Variants in FAM120C observed in about 807,000 individuals in gnomAD.
FAM120C encodes constitutive coactivator of PPAR-gamma-like protein 2.
In FAM120C, 14 loss-of-function variants were observed where a neutral mutation model predicts 71.2. That is an observed-to-expected ratio of 0.20 (90% CI 0.13 to 0.31). FAM120C has a LOEUF of 0.31. FAM120C is among the 10% of genes least tolerant of loss of function. FAM120C has a pLI of 1.00. For synonymous variants in FAM120C, 354 were observed against 353.2 expected, an observed-to-expected ratio of 1.00 and a Z score of -0.03; for missense variants, 500 against 879.0, an observed-to-expected ratio of 0.57 and a Z score of 5.45.
At chrX:54,108,548 A>G (rs2066918627) in intron 10 of FAM120C, among the ~76,000 whole-genome samples, 1 of 111,740 alleles carries the variant, frequency 8.9e-6, no homozygotes, top group Non-Finnish European at 1.9e-5. Flanking sequence ...CAAACCCTTA[A>G]TAACTGAAAC....
chrX:54,168,019 G>A (rs1490577133), intron 1 of FAM120C, among the ~76,000 whole-genome samples: 2 of 110,336 alleles, frequency 1.8e-5, no homozygotes, highest in African/African-American at 3.3e-5. Flanking sequence ...CTGAGAAGAC[G>A]TGTCTCATTT....
At chrX:54,088,591 C>CAAAAAA (rs1230524883) in intron 11 of FAM120C, among the ~76,000 whole-genome samples, 4 of 32,888 alleles carry the variant, frequency 1.2e-4, no homozygotes, top group African/African-American at 4.9e-4. Context: ...GACTCCATCT[C>CAAAAAA]AAAAAAAAAA....
At chrX:54,129,580 C>T (rs1375355697) in intron 9 of FAM120C, among the ~76,000 whole-genome samples, 3 of 110,894 alleles carry the variant, frequency 2.7e-5, no homozygotes, top group Non-Finnish European at 5.7e-5. Flanking sequence ...AGACGATGGG[C>T]GGCCAGGCAG....
chrX:54,163,939 T>TA lies in FAM120C; in HGVS notation c.700-4324_700-4323insT, dbSNP rs782206966. Among the ~76,000 whole-genome samples the TA allele has an allele frequency of 1.0e-2, 1,026 of 103,080 alleles. 8 individuals carry two copies. Among genetic ancestry groups the TA allele is most frequent in the Non-Finnish European group, 0.013 (630 of 50,246 alleles). 89.5% of individuals were successfully genotyped at this position (103,080 alleles called of 115,157 possible). A position where few individuals can be genotyped will look rare whatever the true frequency, so the allele number is the denominator to read the frequency against. ...GTGTATATATACATATATATATATA[T>TA]TTTTTTTTTTTGAGACAGAGTCTCG... On this transcript the variant is annotated intron_variant, in intron 1 of 15. Coordinates refer to ENST00000375180, the MANE Select transcript of FAM120C (RefSeq NM_017848.6).
chrX:54,091,835 G>A (rs181597147), intron 10 of FAM120C, among the ~76,000 whole-genome samples: 2 of 111,721 alleles, frequency 1.8e-5, no homozygotes, highest in East Asian at 5.6e-4. Flanking sequence ...GTGAAGGCCT[G>A]ATGGTGTGGT....
chrX:54,132,649 T>G (rs2146608980), intron 9 of FAM120C, 43 bp downstream of exon 9: 1 of 1,096,818 alleles, frequency 9.1e-7, no homozygotes, highest in African/African-American at 1.8e-5. Flanking sequence ...ATATCTGCTG[T>G]GTCAAGTGCT....
At chrX:54,095,544 G>A (rs1557123144) in intron 10 of FAM120C, among the ~76,000 whole-genome samples, 1 of 110,464 alleles carries the variant, frequency 9.1e-6, no homozygotes, top group Non-Finnish European at 1.9e-5. Flanking sequence ...TCAGAGTTTC[G>A]TCATGTTGCC....
At chrX:54,174,205 A>G in intron 1 of FAM120C, 1 of 510,101 alleles carries the variant, frequency 2.0e-6, no homozygotes, top group Non-Finnish European at 3.5e-6. Context: ...AGTGCAAACA[A>G]GATGGAAGTC....
chrX:54,116,878 C>T, intron 9 of FAM120C, 84 bp from the exon 10 acceptor site: 1 of 1,035,518 alleles, frequency 9.7e-7, no homozygotes, highest in East Asian at 3.1e-5. Context: ...TGACAGGCTC[C>T]ATTGCATTTC....
At position 54,099,335 on chromosome X, in the gene FAM120C, G is replaced by A. The variant is rs113211716; in HGVS notation, c.2313-7909C>T. 3.3e-3 allele frequency among the ~76,000 whole-genome samples: 367 copies of A among 111,179 alleles called. 4 individuals are homozygous for A. The highest frequency in any genetic ancestry group is 0.011 in the African/African-American group (352 of 30,654). On this transcript the variant is annotated intron_variant, in intron 10 of 15. Transcript: ENST00000375180. ...TGGGATTACACACATGAGCTAGTGT[G>A]GCCAGCCAATTGTTTGAGTTGTAAG...
Position 54,107,615 on chromosome X carries a change from G to A in FAM120C, c.2312+8930C>T, listed in dbSNP as rs146327153. 4.6e-3 allele frequency among the ~76,000 whole-genome samples: 491 copies of A among 105,739 alleles called. 2 individuals are homozygous for A. The highest frequency in any genetic ancestry group is 0.016 in the African/African-American group (462 of 28,912). 91.8% of individuals were successfully genotyped at this position (105,739 alleles called of 115,157 possible). On this transcript the variant is annotated intron_variant, in intron 10 of 15. Transcript: ENST00000375180. The stretch of plus-strand genomic sequence containing the variant: ...GTTCACTGCAACCTCTGCCTCCCGG[G>A]TTCAAGTGATTCTCCTGCCTCAGCC...
At chrX:54,082,343 T>G (rs2085751835) in intron 13 of FAM120C, among the ~76,000 whole-genome samples, 2 of 111,493 alleles carry the variant, frequency 1.8e-5, no homozygotes, top group African/African-American at 3.3e-5. Context: ...TAGTAGGCAT[T>G]CAGTATTTGT....
At chrX:54,077,939 C>CTTTTTTTTT (rs1194855968) in intron 15 of FAM120C, among the ~76,000 whole-genome samples, 2 of 55,312 alleles carry the variant, frequency 3.6e-5, no homozygotes, top group Non-Finnish European at 6.5e-5. Flanking sequence ...AAGATCTACT[C>CTTTTTTTTT]TTTTTTTTTT....
At chrX:54,101,700 T>C (rs1557124171) in intron 10 of FAM120C, among the ~76,000 whole-genome samples, 3 of 111,996 alleles carry the variant, frequency 2.7e-5, no homozygotes, top group African/African-American at 9.7e-5. Context: ...ACGGACACCA[T>C]TCAGCCAAGT....
At chrX:54,104,790 C>T (rs1243346731) in intron 10 of FAM120C, among the ~76,000 whole-genome samples, 2 of 107,306 alleles carry the variant, frequency 1.9e-5, no homozygotes, top group Admixed American at 1.0e-4. Context: ...CCTGGGCAAC[C>T]GAGCGAGACT....
chrX:54,104,361 C>T (rs1252692886), intron 10 of FAM120C, among the ~76,000 whole-genome samples: 1 of 112,025 alleles, frequency 8.9e-6, no homozygotes, highest in Non-Finnish European at 1.9e-5. Context: ...CTCAGTTAGG[C>T]TATAACTTCA....
At chrX:54,080,379 G>T in intron 14 of FAM120C, 90 bp from the exon 15 acceptor site, 3 of 723,619 alleles carry the variant, frequency 4.1e-6, no homozygotes, top group Non-Finnish European at 6.4e-6. Flanking sequence ...CCTCTTAGAA[G>T]TTTGACCCTC....
chrX:54,088,485 G>C (rs1302822036), intron 11 of FAM120C, among the ~76,000 whole-genome samples: 3 of 106,428 alleles, frequency 2.8e-5, no homozygotes, highest in African/African-American at 1.0e-4. Context: ...CCAGCTACTA[G>C]GGAGGCTGAG....
intron 1 of FAM120C, among the ~76,000 whole-genome samples, chrX:54,170,291 C>T (rs782110756): frequency 9.0e-6 from 1 of 110,541 alleles, no homozygotes; most frequent in African/African-American, 3.3e-5. Flanking sequence ...CGCCCACCAC[C>T]ACGCCCAGCT....
Sources: gnomAD v4.1 joint callset for allele counts (sites outside exome capture counted in the v4.1 genomes callset) on GRCh38, gnomAD v4.1.1 for gene constraint, MANE v1.5 for transcripts, NCBI Gene and HGNC (gene_info 2026-07-23, HGNC 2026-07-21) for gene names.